Variants in NMT1 observed in about 807,000 individuals in gnomAD.
The protein encoded by NMT1 is glycylpeptide N-tetradecanoyltransferase 1.
A neutral mutation model predicts 63.4 loss-of-function variants in NMT1; 12 were observed. That is an observed-to-expected ratio of 0.19 (90% CI 0.12 to 0.31). The LOEUF (loss-of-function observed/expected upper bound fraction) is 0.31. NMT1 is among the 10% of genes least tolerant of loss of function. The pLI is 1.00. For missense variants in NMT1, 432 were observed against 634.6 expected (o/e 0.68, Z 3.43); for synonymous variants, 228 against 234.3 (o/e 0.97, Z 0.25).
intron 2 of NMT1, among the ~76,000 whole-genome samples, chr17:45,083,132 T>C (rs779524558): frequency 9.9e-5 from 15 of 151,814 alleles, no homozygotes; most frequent in Non-Finnish European, 1.8e-4. Flanking sequence ...CTGGCCAACA[T>C]GGTGAAACCC....
At chr17:45,070,342 C>T (rs565743685) in intron 1 of NMT1, among the ~76,000 whole-genome samples, 2 of 152,212 alleles carry the variant, frequency 1.3e-5, no homozygotes, top group South Asian at 2.1e-4. Flanking sequence ...CCTCTGCCTC[C>T]TGGGTTCAAA....
At chr17:45,086,353 A>G (rs1441272938) in intron 2 of NMT1, among the ~76,000 whole-genome samples, 155 bp from the exon 3 acceptor site, 1 of 150,654 alleles carries the variant, frequency 6.6e-6, no homozygotes, top group East Asian at 1.9e-4. Context: ...TCGAACTCCT[A>G]ACCTCAAGTG....
chr17:45,073,601 T>G (rs570148425), intron 1 of NMT1, among the ~76,000 whole-genome samples: 2 of 152,328 alleles, frequency 1.3e-5, no homozygotes, highest in East Asian at 3.9e-4. Flanking sequence ...CTTTCCTCAT[T>G]ACTTCTAATG....
At chr17:45,084,521 G>GACTACTAAAAATAC (rs2054038940) in intron 2 of NMT1, among the ~76,000 whole-genome samples, 1 of 151,894 alleles carries the variant, frequency 6.6e-6, no homozygotes, top group Non-Finnish European at 1.5e-5. Context: ...TTTTAGTAGG[G>GACTACTAAAAATAC]ACGGGGTTTC....
At position 45,066,815 on chromosome 17, in the gene NMT1, C is replaced by T. The variant is rs117767494; in HGVS notation, c.131+5355C>T. Among the ~76,000 whole-genome samples the T allele has an allele frequency of 1.3e-3, 196 of 151,308 alleles. 1 individual carries two copies. Among genetic ancestry groups the T allele is most frequent in the Non-Finnish European group, 2.2e-3 (151 of 67,756 alleles). On this transcript the variant is annotated intron_variant, in intron 1 of 11. Coordinates refer to ENST00000258960, the MANE Select transcript of NMT1 (RefSeq NM_021079.5). ...CTGCAGCCTTTGACCTGGGCTCAAG[C>T]GATCCTCCCACCTCAGCCTCCCAAG...
At chr17:45,098,972 C>A (rs2054143919) in intron 7 of NMT1, 1 of 224,834 alleles carries the variant, frequency 4.4e-6, no homozygotes, top group Non-Finnish European at 8.9e-6. Context: ...CAACCTCTGC[C>A]TTAGAAAGTT....
chr17:45,102,373 G>A lies in NMT1; in HGVS notation c.994-578G>A, dbSNP rs965958103. On this transcript the variant is annotated intron_variant, in intron 8 of 11. Transcript: ENST00000258960. Reference sequence around the variant, plus strand: ...AAAAGCAGCTGCCGGGTGGGACGCTGACTGGGGATAAAATCCTGGGAGTAT... The same window carrying A: ...AAAAGCAGCTGCCGGGTGGGACGCTAACTGGGGATAAAATCCTGGGAGTAT... Among the ~76,000 whole-genome samples, 3 of 152,206 alleles carry A rather than the reference G, an allele frequency of 2.0e-5. No homozygotes were observed. The East Asian group carries it at 5.8e-4, about 29-fold the overall frequency.
chr17:45,102,149 C>T (rs555149729), intron 8 of NMT1, among the ~76,000 whole-genome samples: 1 of 152,318 alleles, frequency 6.6e-6, no homozygotes, highest in Admixed American at 6.5e-5. Context: ...GGTTCTAGAA[C>T]TGAAGTTTTA....
At chr17:45,068,522 A>G (rs1201246438) in intron 1 of NMT1, among the ~76,000 whole-genome samples, 4 of 152,230 alleles carry the variant, frequency 2.6e-5, no homozygotes, top group African/African-American at 7.2e-5. Context: ...TTGAGAGACA[A>G]CTGAGGAGTC....
rs568056454 is a variant in NMT1 at position 45,079,997 on chromosome 17, C to T, written c.132-1647C>T. 3.3e-5 allele frequency among the ~76,000 whole-genome samples: 5 copies of T among 152,176 alleles called. No individual in the cohort carries two copies. In the South Asian group the frequency reaches 1.0e-3, roughly 32 times the overall value. On this transcript the variant is annotated intron_variant, in intron 1 of 11. Transcript: ENST00000258960. ...ACAGGCGTGAGCCACTGCGCCCGGC[C>T]ACATGTTTCTTGTAATCTCTCCATG...
chr17:45,080,720 C>T (rs1163735707), intron 1 of NMT1, among the ~76,000 whole-genome samples: 4 of 149,594 alleles, frequency 2.7e-5, no homozygotes, highest in African/African-American at 4.9e-5. Context: ...CTGCCCGCCT[C>T]GGCCTCCCAA....
Position 45,108,118 on chromosome 17 carries a change from C to T in NMT1, c.*2479C>T, listed in dbSNP as rs1425334483. The T allele has an allele frequency of 2.6e-5, 4 of 152,318 alleles. No homozygotes were observed. Among genetic ancestry groups the T allele is most frequent in the African/African-American group, 7.2e-5 (3 of 41,460 alleles). 9.4% of individuals were successfully genotyped at this position (152,318 alleles called of 1,614,324 possible). A position where few individuals can be genotyped will look rare whatever the true frequency, so the allele number is the denominator to read the frequency against. ...ACCAAGCAAAGGAAGGACCCTGAGG[C>T]CTTCACGCTAACCGTCCTCGAGCAA... On this transcript the variant is annotated 3_prime_UTR_variant, in exon 12 of 12. Coordinates refer to ENST00000258960, the MANE Select transcript of NMT1 (RefSeq NM_021079.5).
intron 8 of NMT1, among the ~76,000 whole-genome samples, chr17:45,100,090 T>TC (rs1039646227): frequency 6.6e-6 from 1 of 152,044 alleles, no homozygotes; most frequent in African/African-American, 2.4e-5. Flanking sequence ...AGGTAGGGAT[T>TC]CTTTTTTTTT....
chr17:45,089,280 C>G (rs529585981), intron 3 of NMT1, among the ~76,000 whole-genome samples: 18 of 152,290 alleles, frequency 1.2e-4, no homozygotes, highest in African/African-American at 4.1e-4. Flanking sequence ...ACAGTACTCT[C>G]CACCTTCTTG....
intron 1 of NMT1, among the ~76,000 whole-genome samples, chr17:45,079,606 G>A (rs1017957192): frequency 6.6e-6 from 1 of 152,252 alleles, no homozygotes; most frequent in African/African-American, 2.4e-5. Flanking sequence ...TTCATGGGGT[G>A]TGTCATGTAG....
chr17:45,068,537 T>C (rs911560007), intron 1 of NMT1, among the ~76,000 whole-genome samples: 3 of 152,374 alleles, frequency 2.0e-5, no homozygotes, highest in Non-Finnish European at 4.4e-5. Flanking sequence ...GGAGTCACTA[T>C]GGTTAAGTGT....
intron 6 of NMT1, 140 bp from the exon 7 acceptor site, chr17:45,098,242 C>G (rs2143513502): frequency 1.4e-6 from 1 of 722,320 alleles, no homozygotes; most frequent in East Asian, 2.5e-5. Context: ...TGGGGAGTCC[C>G]AGTACTGAGT....
chr17:45,084,284 A>G (rs1195099832), intron 2 of NMT1, among the ~76,000 whole-genome samples: 1 of 152,126 alleles, frequency 6.6e-6, no homozygotes, highest in Non-Finnish European at 1.5e-5. Flanking sequence ...AGAAATGACC[A>G]TTAAAGCAAT....
intron 4 of NMT1, among the ~76,000 whole-genome samples, chr17:45,095,158 G>A (rs989740744): frequency 2.0e-5 from 3 of 149,662 alleles, no homozygotes; most frequent in African/African-American, 7.4e-5. Flanking sequence ...TCAGACTGGA[G>A]TGCAATGGCA....
Sources: gnomAD v4.1 joint callset for allele counts (sites outside exome capture counted in the v4.1 genomes callset) on GRCh38, gnomAD v4.1.1 for gene constraint, MANE v1.5 for transcripts, NCBI Gene and HGNC (gene_info 2026-07-23, HGNC 2026-07-21) for gene names.